Variants in NECTIN4 observed in about 807,000 individuals in gnomAD.
NECTIN4 encodes nectin cell adhesion molecule 4, also known as nectin-4.
A neutral mutation model predicts 51.7 loss-of-function variants in NECTIN4; 19 were observed. The ratio of observed to expected loss-of-function variants is 0.37; its 90% CI spans 0.26 to 0.54. The LOEUF is 0.54. NECTIN4 is among the 20% of genes least tolerant of loss of function. The pLI is 0.86. For missense variants in NECTIN4, 619 were observed against 662.4 expected, an observed-to-expected ratio of 0.93 and a Z score of 0.72; for synonymous variants, 283 against 286.9, an observed-to-expected ratio of 0.99 and a Z score of 0.14.
chr1:161,086,646 G>C (rs1653961145), intron 1 of NECTIN4, among the ~76,000 whole-genome samples: 1 of 152,166 alleles, frequency 6.6e-6, no homozygotes, highest in Admixed American at 6.5e-5. Context: ...AGAGATGGGG[G>C]AGGGAGAAGG....
intron 1 of NECTIN4, among the ~76,000 whole-genome samples, chr1:161,088,528 G>T (rs1201422616): frequency 6.6e-6 from 1 of 151,918 alleles, no homozygotes; most frequent in Non-Finnish European, 1.5e-5. Context: ...TGAACAAATG[G>T]GGACCACACC....
In NECTIN4 at chr1:161,074,767, A is replaced by G; in HGVS notation, c.852-8T>C. On this transcript the variant is annotated splice_region_variant and splice_polypyrimidine_tract_variant and intron_variant, in intron 4 of 8. Transcript: ENST00000368012. ...GGCAGAGGCCCATCCAGCCTGGAAG[A>G]CAGGGAAGCTGAAGGGTGCCAGCCG... The G allele has an allele frequency of 6.2e-7, 1 of 1,612,828 alleles. No individual in the cohort carries two copies. Among genetic ancestry groups the G allele is most frequent in the Non-Finnish European group, 8.5e-7 (1 of 1,179,758 alleles).
rs749025068 is a variant in NECTIN4 at position 161,079,782 on chromosome 1, G to C, written c.247C>G (p.His83Asp). The C allele has an allele frequency of 6.2e-7, 1 of 1,613,026 alleles. No individual in the cohort carries two copies. Residue 83 changes from histidine to aspartate, a missense_variant, in exon 2 of 9, where the codon CAC (histidine) becomes GAC (aspartate). Around this residue, in one of 3 missense-constraint regions of NECTIN4, gnomAD observed 218 missense variants for 186.3 expected, o/e 1.17. Coordinates refer to ENST00000368012, the MANE Select transcript of NECTIN4 (RefSeq NM_030916.3). ...CTCACATGAAGCCCGTATTTGGAGTGCAGTAGCGCTAGTTCCTGGGCGCCT... is the reference window on the plus strand; with the variant it reads ...CTCACATGAAGCCCGTATTTGGAGTCCAGTAGCGCTAGTTCCTGGGCGCCT... ...GEGAQELALLHSKYGLHVSPA... is the reference protein window; with the variant it reads ...GEGAQELALLDSKYGLHVSPA...
chr1:161,075,557 G>A (rs1653379797), intron 4 of NECTIN4, among the ~76,000 whole-genome samples: 1 of 151,866 alleles, frequency 6.6e-6, no homozygotes, highest in Non-Finnish European at 1.5e-5. Flanking sequence ...GATCACCCGA[G>A]GTCAGCAGTT....
rs900005870 is a variant in NECTIN4 at position 161,074,362 on chromosome 1, C to T, written c.1012G>A (p.Asp338Asn). The T allele has an allele frequency of 3.1e-6, 5 of 1,614,044 alleles. No individual in the cohort carries two copies. Among genetic ancestry groups the T allele is most frequent in the Non-Finnish European group, 4.2e-6 (5 of 1,179,990 alleles). ...VTVDVLDPQE[D>N]SGKQVDLVSA... ...ACTAGGTCCACCTGCTTCCCAGAGT[C>T]TTCCTGGGGGTCTGCTGGAGACAGG... Residue 338 changes from aspartate to asparagine, a missense_variant, in exon 6 of 9, where the codon GAC becomes AAC. Transcript: ENST00000368012.
At chr1:161,087,658 A>C (rs1050243091) in intron 1 of NECTIN4, 2 of 151,450 alleles carry the variant, frequency 1.3e-5, no homozygotes, top group African/African-American at 4.9e-5. Context: ...GCTGGGAGGG[A>C]ACATGAAAGG....
chr1:161,072,958 C>T, intron 8 of NECTIN4, 73 bp from the exon 9 acceptor site: 1 of 1,452,444 alleles, frequency 6.9e-7, no homozygotes, highest in Non-Finnish European at 9.4e-7. Flanking sequence ...ATGGCTGGGT[C>T]ATGGTGGGAT....
At chr1:161,082,820 C>G (rs1653750579) in intron 1 of NECTIN4, among the ~76,000 whole-genome samples, 1 of 152,142 alleles carries the variant, frequency 6.6e-6, no homozygotes. Flanking sequence ...GGTAGGGGAT[C>G]TCCAGCACAA....
chr1:161,082,109 A>C (rs1325953779), intron 1 of NECTIN4, among the ~76,000 whole-genome samples: 1 of 152,092 alleles, frequency 6.6e-6, no homozygotes, highest in African/African-American at 2.4e-5. Flanking sequence ...CAGGCAGATC[A>C]CCTGAGGTCA....
At chr1:161,083,479 C>A (rs978444681) in intron 1 of NECTIN4, among the ~76,000 whole-genome samples, 1 of 152,162 alleles carries the variant, frequency 6.6e-6, no homozygotes, top group Non-Finnish European at 1.5e-5. Flanking sequence ...GGTGAGGTCA[C>A]CTTGAGGGCA....
In NECTIN4 at chr1:161,073,219, C is replaced by T. The variant is rs1653258491; in HGVS notation, c.1308+6G>A. On this transcript the variant is annotated splice_donor_region_variant and intron_variant, in intron 8 of 8. Transcript: ENST00000368012. ...GTGGGGACACCGGTGGGGCCGGGGG[C>T]CTCACCATCACAGAGCAGCTACTGT... 3.1e-6 allele frequency: 5 copies of T among 1,613,482 alleles called. No homozygotes were observed. In the East Asian group the frequency reaches 6.7e-5, roughly 22 times the overall value.
At chr1:161,080,715 C>G (rs572000769) in intron 1 of NECTIN4, among the ~76,000 whole-genome samples, 1 of 152,168 alleles carries the variant, frequency 6.6e-6, no homozygotes, top group African/African-American at 2.4e-5. Context: ...AAGCTGGAAT[C>G]GGAGGACAAG....
chr1:161,086,561 G>C (rs971453644), intron 1 of NECTIN4, among the ~76,000 whole-genome samples: 2 of 152,214 alleles, frequency 1.3e-5, no homozygotes, highest in Admixed American at 6.5e-5. Flanking sequence ...TCCTGAACCC[G>C]ACAAAGAGCT....
intron 2 of NECTIN4, among the ~76,000 whole-genome samples, chr1:161,078,053 T>C (rs1010660482): frequency 1.3e-5 from 2 of 152,220 alleles, no homozygotes; most frequent in African/African-American, 4.8e-5. Context: ...TCAACTATTA[T>C]GCTAAATACC....
chr1:161,074,938 C>T (rs947617892), intron 4 of NECTIN4, among the ~76,000 whole-genome samples, 179 bp from the exon 5 acceptor site: 1 of 152,232 alleles, frequency 6.6e-6, no homozygotes, highest in Non-Finnish European at 1.5e-5. Flanking sequence ...CTCCCTGCTG[C>T]CCAGCCTGAC....
chr1:161,074,921 G>A (rs1653346907), intron 4 of NECTIN4, among the ~76,000 whole-genome samples, 162 bp from the exon 5 acceptor site: 1 of 152,200 alleles, frequency 6.6e-6, no homozygotes, highest in African/African-American at 2.4e-5. Flanking sequence ...CTAGGCAGAG[G>A]TCCTTTCTCC....
chr1:161,078,518 G>A (rs1433437355), intron 2 of NECTIN4, among the ~76,000 whole-genome samples: 1 of 151,832 alleles, frequency 6.6e-6, no homozygotes, highest in Non-Finnish European at 1.5e-5. Flanking sequence ...ATGTTGGCCA[G>A]GCTGGTCTCG....
chr1:161,079,568 G>T (rs3820097), intron 2 of NECTIN4, 22 bp downstream of exon 2: 1 of 1,601,252 alleles, frequency 6.2e-7, no homozygotes, highest in Non-Finnish European at 8.5e-7. Flanking sequence ...GGCTCAGACC[G>T]TACCCAGAGA....
intron 1 of NECTIN4, 51 bp from the exon 2 acceptor site, chr1:161,080,000 G>C: frequency 6.5e-7 from 1 of 1,544,382 alleles, no homozygotes; most frequent in Non-Finnish European, 8.7e-7. Context: ...GCCAGAGCTG[G>C]GGGAGCACAG....
Sources: allele counts gnomAD v4.1 joint callset (sites outside exome capture counted in the v4.1 genomes callset), GRCh38; gene constraint gnomAD v4.1.1; regional missense constraint gnomAD v4.1.1; transcripts MANE v1.5; gene names NCBI Gene and HGNC (gene_info 2026-07-23, HGNC 2026-07-21).